The following ZNF232 variants were observed in gnomAD, a reference collection of about 807,000 sequenced individuals.
ZNF232 encodes zinc finger and SCAN domain-containing protein 11.
A neutral mutation model predicts 25.2 loss-of-function variants in ZNF232; 25 were observed. That is an observed-to-expected ratio of 0.99 (90% CI 0.72 to 1.39). ZNF232 has a LOEUF of 1.39. Among genes scored for constraint, ZNF232 ranks in the 40% most tolerant of loss-of-function variants. ZNF232 has a pLI of 0.00. For missense variants in ZNF232, 519 were observed against 520.9 expected (o/e 1.00, Z 0.04); for synonymous variants, 193 against 182.9 (o/e 1.06, Z -0.45).
intron 3 of ZNF232, among the ~76,000 whole-genome samples, chr17:5,108,165 T>C (rs1435596955): frequency 6.8e-6 from 1 of 148,052 alleles, no homozygotes; most frequent in Admixed American, 6.9e-5. Flanking sequence ...TTGGTGATAG[T>C]GATGGGGGGG....
chr17:5,111,694 C>T, intron 1 of ZNF232, 106 bp downstream of exon 1: 1 of 1,577,368 alleles, frequency 6.3e-7, no homozygotes, highest in South Asian at 1.1e-5. Context: ...CACACAACCG[C>T]GGAGCTGCCT....
At chr17:5,117,524 A>G (rs1489975138) in intron 1 of ZNF232, among the ~76,000 whole-genome samples, 1 of 152,074 alleles carries the variant, frequency 6.6e-6, no homozygotes, top group African/African-American at 2.4e-5. Flanking sequence ...TCAAAAAAAA[A>G]AAAAAAAAGC....
At chr17:5,119,775 TGA>T (rs1226487812) in intron 1 of ZNF232, among the ~76,000 whole-genome samples, 2 of 152,164 alleles carry the variant, frequency 1.3e-5, no homozygotes, top group Non-Finnish European at 2.9e-5. Flanking sequence ...GCACTACAAG[TGA>T]CTCACAGCCA....
At chr17:5,111,754 G>A in intron 1 of ZNF232, 46 bp downstream of exon 1, 1 of 1,613,244 alleles carries the variant, frequency 6.2e-7, no homozygotes, top group Non-Finnish European at 8.5e-7. Flanking sequence ...ACGGGCAAAA[G>A]CCAAGCCGCC....
upstream of ZNF232, among the ~76,000 whole-genome samples, chr17:5,115,311 C>T (rs1408669911): frequency 6.6e-6 from 1 of 151,850 alleles, no homozygotes; most frequent in Non-Finnish European, 1.5e-5. Flanking sequence ...CAGCACTTTG[C>T]GAGGCCGAGG....
At chr17:5,112,751 A>ATT (rs887604900), upstream of ZNF232, among the ~76,000 whole-genome samples, 17 of 145,368 alleles carry the variant, frequency 1.2e-4, no homozygotes, top group African/African-American at 4.3e-4. Context: ...ATTATTTTTT[A>ATT]TTTTTTTTTT....
chr17:5,105,777 G>A, exon 4 of ZNF232: 1 of 1,492,760 alleles, frequency 6.7e-7, no homozygotes, highest in Non-Finnish European at 9.0e-7. Flanking sequence ...TCCTAAAGTA[G>A]ATTAGACCGA....
intron 3 of ZNF232, among the ~76,000 whole-genome samples, chr17:5,108,582 G>T (rs756760939): frequency 5.9e-5 from 9 of 152,018 alleles, no homozygotes; most frequent in Non-Finnish European, 8.8e-5. Flanking sequence ...TATAGACTAG[G>T]AGTTAAGTGC....
intron 1 of ZNF232, chr17:5,111,329 T>C (rs1030542495): frequency 9.2e-5 from 16 of 174,282 alleles, no homozygotes; most frequent in African/African-American, 3.8e-4. Context: ...TTTATTTTCC[T>C]TTCACACAGG....
At chr17:5,106,841 G>T (rs373853318) in intron 3 of ZNF232, among the ~76,000 whole-genome samples, 1 of 152,254 alleles carries the variant, frequency 6.6e-6, no homozygotes, top group South Asian at 2.1e-4. Context: ...ATCAGGGAAT[G>T]ATGTTGTGAA....
chr17:5,108,957 C>A, exon 3 of ZNF232: 1 of 1,614,150 alleles, frequency 6.2e-7, no homozygotes, highest in Non-Finnish European at 8.5e-7. Context: ...TCTCCTTAGG[C>A]TGGAGCTGGA....
chr17:5,117,078 A>G (rs1367800403), intron 1 of ZNF232, among the ~76,000 whole-genome samples: 2 of 152,214 alleles, frequency 1.3e-5, no homozygotes, highest in Non-Finnish European at 2.9e-5. Flanking sequence ...GTAGTATCAT[A>G]TGCCTCTCCT....
At chr17:5,108,288 C>T (rs1279626806) in intron 3 of ZNF232, among the ~76,000 whole-genome samples, 1 of 152,142 alleles carries the variant, frequency 6.6e-6, no homozygotes, top group Non-Finnish European at 1.5e-5. Flanking sequence ...CCCTGAGGCT[C>T]TAAGTCTAGT....
At chr17:5,116,795 A>T (rs1333715169), upstream of ZNF232, 1 of 152,264 alleles carries the variant, frequency 6.6e-6, no homozygotes, top group African/African-American at 2.4e-5. Flanking sequence ...TGTATAAAAC[A>T]GGGTTAACAG....
upstream of ZNF232, chr17:5,114,328 C>T (rs1318559841): frequency 1.3e-5 from 2 of 152,348 alleles, no homozygotes; most frequent in Non-Finnish European, 2.9e-5. Flanking sequence ...ATTCATAGGG[C>T]TTTTCTCCAC....
intron 1 of ZNF232, chr17:5,121,485 G>A: frequency 4.2e-6 from 1 of 240,876 alleles, no homozygotes; most frequent in Non-Finnish European, 8.2e-6. Flanking sequence ...TCCCAGCTCA[G>A]CAAGGTAGGG....
chr17:5,111,861 C>T (rs1452754325), upstream of ZNF232: 2 of 1,612,644 alleles, frequency 1.2e-6, no homozygotes, highest in Non-Finnish European at 1.7e-6. Flanking sequence ...ACAGCCCTCA[C>T]CCCAGGGGCA....
At chr17:5,115,688 T>C (rs1000102971), upstream of ZNF232, among the ~76,000 whole-genome samples, 2 of 152,130 alleles carry the variant, frequency 1.3e-5, no homozygotes, top group Non-Finnish European at 2.9e-5. Context: ...CGGAGAAATT[T>C]CGTTTTTAGA....
At chr17:5,105,999 T>C (rs758741984) in exon 4 of ZNF232, 5 of 1,614,138 alleles carry the variant, frequency 3.1e-6, no homozygotes, top group Admixed American at 1.7e-5. Flanking sequence ...ATTACACTCA[T>C]AGGGCTTCTC....
Sources: gnomAD v4.1 joint callset for allele counts (sites outside exome capture counted in the v4.1 genomes callset) on GRCh38, gnomAD v4.1.1 for gene constraint, MANE v1.5 for transcripts, NCBI Gene and HGNC (gene_info 2026-07-23, HGNC 2026-07-21) for gene names.